Variants in DLGAP2 observed in about 807,000 individuals in gnomAD.
The protein encoded by DLGAP2 is disks large-associated protein 2.
Under a neutral mutation model 100.3 loss-of-function variants are expected in DLGAP2, and 26 were observed. The ratio of observed to expected loss-of-function variants is 0.26; its 90% CI spans 0.19 to 0.36. The LOEUF is 0.36. Among genes scored for constraint, DLGAP2 ranks in the 10% least tolerant of loss-of-function variants. The pLI, the probability that DLGAP2 is intolerant of heterozygous loss-of-function variation, is 1.00. For synonymous variants in DLGAP2, 886 were observed against 630.1 expected (o/e 1.41, Z -6.08); for missense variants, 1,858 against 1,453.2 (o/e 1.28, Z -4.53).
intron 2 of DLGAP2, among the ~76,000 whole-genome samples, chr8:1,086,468 A>G (rs1006418880): frequency 6.6e-6 from 1 of 152,194 alleles, no homozygotes; most frequent in Non-Finnish European, 1.5e-5. Context: ...ATCAAAACAC[A>G]TAGAGTGAAT....
chr8:1,392,380 C>G (rs1796383366), intron 3 of DLGAP2, among the ~76,000 whole-genome samples: 1 of 152,130 alleles, frequency 6.6e-6, no homozygotes, highest in Non-Finnish European at 1.5e-5. Context: ...CCCTTTCTTC[C>G]CATCAACTCG....
rs867560039 is a variant in DLGAP2 at position 1,360,038 on chromosome 8, G to A, written c.106+101155G>A. Among the ~76,000 whole-genome samples the A allele has an allele frequency of 5.3e-5, 8 of 152,138 alleles. No homozygotes were observed. The South Asian group carries it at 8.3e-4, about 16-fold the overall frequency. ...ATCCAAAGAAGAACAGGACCATCGC[G>A]AGCCACTTTCCGCCTCTTCATCCCC... On this transcript the variant is annotated intron_variant, in intron 3 of 14. Coordinates refer to ENST00000637795, the MANE Select transcript of DLGAP2 (RefSeq NM_001346810.2).
intron 2 of DLGAP2, chr8:1,250,534 A>G (rs549110725): frequency 5.3e-5 from 8 of 152,324 alleles, no homozygotes; most frequent in African/African-American, 1.9e-4. Context: ...CCGTCTGGCC[A>G]TGAGAACTTG....
intron 3 of DLGAP2, among the ~76,000 whole-genome samples, chr8:1,280,393 C>G (rs1370599117): frequency 2.0e-5 from 3 of 152,280 alleles, no homozygotes; most frequent in South Asian, 2.1e-4. Flanking sequence ...CGTCATAATA[C>G]TTATTTATCT....
intron 1 of DLGAP2, among the ~76,000 whole-genome samples, chr8:795,917 A>C (rs74567238): frequency 1.1e-4 from 1 of 9,032 alleles, no homozygotes; most frequent in African/African-American, 5.6e-4. Flanking sequence ...TCCAGTGAGA[A>C]CAGGCGTCCA....
At chr8:1,056,353 G>T (rs1256778126) in intron 2 of DLGAP2, among the ~76,000 whole-genome samples, 1 of 152,276 alleles carries the variant, frequency 6.6e-6, no homozygotes, top group Non-Finnish European at 1.5e-5. Flanking sequence ...AATTCCTCCA[G>T]CTCTGTGTGT....
intron 2 of DLGAP2, among the ~76,000 whole-genome samples, chr8:1,234,900 G>A (rs964975782): frequency 1.6e-4 from 24 of 152,076 alleles, no homozygotes; most frequent in African/African-American, 2.7e-4. Context: ...TCCCTCTCAC[G>A]TGGCGCCATA....
chr8:1,572,873 T>C (rs1334264285), intron 6 of DLGAP2, among the ~76,000 whole-genome samples: 2 of 121,800 alleles, frequency 1.6e-5, no homozygotes, highest in Non-Finnish European at 3.4e-5. Flanking sequence ...TGTGGGGGCA[T>C]CTGATGAGAT....
rs1027884367 is a variant in DLGAP2, at chr8:1,670,116, A to G, written c.2202+332A>G. On this transcript the variant is annotated intron_variant, in intron 10 of 14. Coordinates refer to ENST00000637795, the MANE Select transcript of DLGAP2 (RefSeq NM_001346810.2). ...TAGCCAGGTGACTTCCCATTGCCAG[A>G]CACTCCCACCCTCTCTCTTTTCTCC... Among the ~76,000 whole-genome samples, 12 of 152,196 alleles carry G rather than the reference A, an allele frequency of 7.9e-5. No individual in the cohort carries two copies. The East Asian group carries it at 2.3e-3, about 29-fold the overall frequency.
intron 2 of DLGAP2, among the ~76,000 whole-genome samples, chr8:1,051,521 A>T (rs1022696362): frequency 1.3e-5 from 2 of 152,270 alleles, no homozygotes; most frequent in African/African-American, 4.8e-5. Flanking sequence ...TAAAGATGAC[A>T]TACGCAGAGT....
chr8:1,024,977 T>C (rs1240746113), intron 2 of DLGAP2, among the ~76,000 whole-genome samples: 1 of 152,182 alleles, frequency 6.6e-6, no homozygotes, highest in East Asian at 1.9e-4. Flanking sequence ...CGGGAGCGGC[T>C]GCCTTTTTCC....
intron 12 of DLGAP2, among the ~76,000 whole-genome samples, chr8:1,686,670 A>T (rs543432044): frequency 6.8e-6 from 1 of 147,360 alleles, no homozygotes; most frequent in Non-Finnish European, 1.5e-5. Flanking sequence ...GGGAGACCCC[A>T]TCCAAAAAAA....
Position 1,483,448 on chromosome 8 carries a change from C to G in DLGAP2, c.107-17918C>G, listed in dbSNP as rs562029797. The stretch of plus-strand genomic sequence containing the variant: ...AAGCTGAACTGCTGTGTAAGAGGCT[C>G]AGGGAGCAGGACCTGAGGGCGTCTC... On this transcript the variant is annotated intron_variant, in intron 3 of 14. Coordinates refer to ENST00000637795, the MANE Select transcript of DLGAP2 (RefSeq NM_001346810.2). 3.8e-4 allele frequency among the ~76,000 whole-genome samples: 56 copies of G among 149,080 alleles called. 1 individual carries two copies. The South Asian group carries it at 0.011, about 30-fold the overall frequency.
At chr8:1,272,469 G>C (rs910673647) in intron 3 of DLGAP2, among the ~76,000 whole-genome samples, 1 of 151,730 alleles carries the variant, frequency 6.6e-6, no homozygotes, top group East Asian at 1.9e-4. Flanking sequence ...TTTATATATA[G>C]AAAACATATA....
intron 2 of DLGAP2, among the ~76,000 whole-genome samples, chr8:1,032,092 G>A (rs990734994): frequency 2.0e-5 from 3 of 152,236 alleles, no homozygotes; most frequent in African/African-American, 7.2e-5. Flanking sequence ...CCACGTTTCT[G>A]AAAACACATC....
intron 3 of DLGAP2, among the ~76,000 whole-genome samples, chr8:1,324,794 G>A (rs949439737): frequency 5.3e-5 from 8 of 152,152 alleles, no homozygotes; most frequent in Non-Finnish European, 7.3e-5. Flanking sequence ...TCAGAGGAGC[G>A]GGAGTCACAG....
At chr8:1,001,955 C>T (rs559557355) in intron 2 of DLGAP2, among the ~76,000 whole-genome samples, 18 of 152,156 alleles carry the variant, frequency 1.2e-4, no homozygotes, top group Non-Finnish European at 1.9e-4. Context: ...TCATATGAAC[C>T]GGGCGAATTG....
chr8:1,423,991 G>C (rs1448746581), intron 3 of DLGAP2, among the ~76,000 whole-genome samples: 1 of 152,180 alleles, frequency 6.6e-6, no homozygotes, highest in Non-Finnish European at 1.5e-5. Flanking sequence ...AATGAATTCT[G>C]CAAAAATAGC....
chr8:1,004,140 C>A (rs1184440610), intron 2 of DLGAP2, among the ~76,000 whole-genome samples: 1 of 152,082 alleles, frequency 6.6e-6, no homozygotes, highest in Non-Finnish European at 1.5e-5. Flanking sequence ...AAAGCTTTTT[C>A]CATACAAATT....
Sources: gnomAD v4.1 joint callset for allele counts (sites outside exome capture counted in the v4.1 genomes callset) on GRCh38, gnomAD v4.1.1 for gene constraint, MANE v1.5 for transcripts, NCBI Gene and HGNC (gene_info 2026-07-23, HGNC 2026-07-21) for gene names.